Variants in GLP2R observed in about 807,000 individuals in gnomAD.
The protein encoded by GLP2R is glucagon like peptide 2 receptor, also known as glucagon-like peptide 2 receptor.
GLP2R carries 59 observed loss-of-function variants against 68.2 expected under a neutral mutation model. The observed-to-expected ratio is 0.87, with a 90% CI of 0.70 to 1.07. The LOEUF is 1.07. Ranked by LOEUF, GLP2R falls within the 50% of genes least tolerant of loss-of-function variation. GLP2R has a pLI of 0.00. For synonymous variants in GLP2R, 270 were observed against 265.4 expected, an observed-to-expected ratio of 1.02 and a Z score of -0.17; for missense variants, 548 against 677.4, an observed-to-expected ratio of 0.81 and a Z score of 2.12.
intron 4 of GLP2R, among the ~76,000 whole-genome samples, chr17:9,853,788 A>G (rs996864263): frequency 6.6e-6 from 1 of 152,222 alleles, no homozygotes; most frequent in African/African-American, 2.4e-5. Flanking sequence ...TACCAAATAT[A>G]TAAAGTTAAA....
intron 4 of GLP2R, among the ~76,000 whole-genome samples, chr17:9,850,612 C>G (rs1405988652): frequency 6.6e-6 from 1 of 152,018 alleles, no homozygotes; most frequent in Non-Finnish European, 1.5e-5. Flanking sequence ...TAAGCTCCAG[C>G]TTCCCACCAT....
chr17:9,861,882 C>T (rs2066990585), intron 8 of GLP2R, 139 bp from the exon 9 acceptor site: 4 of 691,608 alleles, frequency 5.8e-6, no homozygotes, highest in Non-Finnish European at 1.1e-5. Flanking sequence ...TCTTCTGCCT[C>T]TCCCACCCCT....
At chr17:9,876,979 A>G (rs1438787460) in intron 10 of GLP2R, among the ~76,000 whole-genome samples, 2 of 152,198 alleles carry the variant, frequency 1.3e-5, no homozygotes, top group African/African-American at 2.4e-5. Flanking sequence ...GGTAGATGCT[A>G]TTACTATTAT....
rs749755200 is a variant in GLP2R at position 9,826,108 on chromosome 17, G to A, written c.45G>A (p.Ala15=). ...GGGCAGGGCCTGGGAGAGGAAGCGC[G>A]GGACTCCTGCCTGGCGTCCACGAGC... ...SSRAGPGRGS[A]GLLPGVHELP... The change falls in exon 1 of 13, where the codon GCG becomes GCA. Residue 15 remains alanine (A), a synonymous_variant. Transcript: ENST00000262441. 32 of 1,612,626 alleles carry A rather than the reference G, an allele frequency of 2.0e-5. 1 individual carries two copies. The Admixed American group carries it at 2.8e-4, about 14-fold the overall frequency.
Position 9,887,973 on chromosome 17 carries a change from G to A in GLP2R, c.1326G>A (p.Glu442=). The change falls in exon 12 of 13, where the codon GAG becomes GAA. Residue 442 remains glutamate, a splice_region_variant and synonymous_variant. Transcript: ENST00000262441. ...TGCAGTATGGTTTTGCCAATGGAGA[G>A]GTATGATTTCCACGTTGCCATCCTG... is the stretch of plus-strand genomic sequence containing the variant. ...VALQYGFANG[E]VKAELRKYWV... 1 of 1,608,508 alleles carries A rather than the reference G, an allele frequency of 6.2e-7. No individual in the cohort carries two copies. Among genetic ancestry groups the A allele is most frequent in the Non-Finnish European group, 8.5e-7 (1 of 1,174,860 alleles).
At chr17:9,885,043 A>C (rs74701139) in intron 11 of GLP2R, among the ~76,000 whole-genome samples, 31,296 of 151,958 alleles carry the variant, frequency 0.21, 4,242 homozygotes, top group Non-Finnish European at 0.31. Context: ...ATTTCTGAGA[A>C]AGAATCCTAG....
chr17:9,855,366 G>T (rs2066925754), intron 5 of GLP2R, among the ~76,000 whole-genome samples: 2 of 152,318 alleles, frequency 1.3e-5, no homozygotes, highest in Admixed American at 6.5e-5. Context: ...GCTAGAATTT[G>T]AACCCAAGAC....
In GLP2R at chr17:9,841,375, A is replaced by G. The variant is rs2066785524; in HGVS notation, c.383-1120A>G. ...GCTTGCTCTGACTGCTGGGTTGCCC[A>G]CAGATGTGAGGGGCAGGACTGTCAG... On this transcript the variant is annotated intron_variant, in intron 3 of 12. Coordinates refer to ENST00000262441, the MANE Select transcript of GLP2R (RefSeq NM_004246.3). Among the ~76,000 whole-genome samples the G allele has an allele frequency of 2.0e-5, 3 of 151,936 alleles. No homozygotes were observed. The South Asian group carries it at 6.3e-4, about 32-fold the overall frequency.
chr17:9,852,828 ATCT>A, intron 4 of GLP2R: 1 of 316,738 alleles, frequency 3.2e-6, no homozygotes, highest in South Asian at 3.4e-5. Context: ...CATCATCATC[ATCT>A]TCTCCATCAG....
chr17:9,826,035 A>T lies in GLP2R; in HGVS notation c.-29A>T. On this transcript the variant is annotated 5_prime_UTR_variant, in exon 1 of 13. Transcript: ENST00000262441. ...GCATCTTGGACGGCTAGAGAGATGT[A>T]CCCCTACTTGTGAAGGTGCACGAGG... The T allele has an allele frequency of 6.3e-7, 1 of 1,593,020 alleles. No individual in the cohort carries two copies. Among genetic ancestry groups the T allele is most frequent in the Non-Finnish European group, 8.6e-7 (1 of 1,168,746 alleles).
chr17:9,844,561 G>T (rs748413194), intron 4 of GLP2R, among the ~76,000 whole-genome samples: 1 of 151,310 alleles, frequency 6.6e-6, no homozygotes, highest in Non-Finnish European at 1.5e-5. Flanking sequence ...CAACAAGATC[G>T]CAGGCTTCTG....
intron 9 of GLP2R, among the ~76,000 whole-genome samples, chr17:9,864,571 G>A (rs2067017849): frequency 6.6e-6 from 1 of 151,980 alleles, no homozygotes; most frequent in African/African-American, 2.4e-5. Flanking sequence ...CACCCAGGCT[G>A]GAATGCAGCA....
chr17:9,880,250 A>G (rs1283463017), intron 10 of GLP2R, 128 bp from the exon 11 acceptor site: 4 of 654,138 alleles, frequency 6.1e-6, no homozygotes, highest in Non-Finnish European at 1.1e-5. Context: ...TGTTGTAGTG[A>G]AGGAGACCAT....
intron 4 of GLP2R, among the ~76,000 whole-genome samples, chr17:9,844,054 G>T (rs1475378730): frequency 6.6e-6 from 1 of 152,142 alleles, no homozygotes; most frequent in African/African-American, 2.4e-5. Context: ...GCCCTGCAGG[G>T]TGAGAAGGAG....
At chr17:9,870,453 C>T (rs1186240453) in intron 9 of GLP2R, among the ~76,000 whole-genome samples, 2 of 152,148 alleles carry the variant, frequency 1.3e-5, no homozygotes, top group African/African-American at 4.8e-5. Context: ...TGATGGGCCT[C>T]CTTAAGGCAG....
chr17:9,847,751 AC>A (rs2066854466), intron 4 of GLP2R, among the ~76,000 whole-genome samples: 1 of 152,136 alleles, frequency 6.6e-6, no homozygotes, highest in Non-Finnish European at 1.5e-5. Flanking sequence ...CAGGTTCTAC[AC>A]GTTTCATAAA....
At chr17:9,839,738 C>A (rs915358482) in intron 3 of GLP2R, among the ~76,000 whole-genome samples, 1 of 152,306 alleles carries the variant, frequency 6.6e-6, no homozygotes, top group South Asian at 2.1e-4. Context: ...CACTCTCCCC[C>A]ACGTTCAGGG....
chr17:9,853,326 T>C, intron 4 of GLP2R: 1 of 214,450 alleles, frequency 4.7e-6, no homozygotes. Context: ...TGGCACGTAC[T>C]TAGGTGGGAG....
intron 4 of GLP2R, among the ~76,000 whole-genome samples, chr17:9,850,922 A>G (rs532290732): frequency 6.6e-6 from 1 of 152,182 alleles, no homozygotes; most frequent in African/African-American, 2.4e-5. Context: ...CGAACTCCTG[A>G]ACTCAGGTGA....
Sources: allele counts gnomAD v4.1 joint callset (sites outside exome capture counted in the v4.1 genomes callset), GRCh38; gene constraint gnomAD v4.1.1; transcripts MANE v1.5; gene names NCBI Gene and HGNC (gene_info 2026-07-23, HGNC 2026-07-21).